Variants in MTSS1 observed in about 807,000 individuals in gnomAD.
MTSS1 encodes the protein MTSS I-BAR domain containing 1.
MTSS1 carries 18 observed loss-of-function variants against 79.0 expected under a neutral mutation model. The ratio of observed to expected loss-of-function variants is 0.23; its 90% CI spans 0.16 to 0.34. The LOEUF (loss-of-function observed/expected upper bound fraction) is 0.34. Ranked by LOEUF, MTSS1 falls within the 10% of genes least tolerant of loss-of-function variation. The probability of loss-of-function intolerance (pLI) is 1.00; values close to 1 mark genes in which losing one functional copy is unlikely to be tolerated. For synonymous variants in MTSS1, 341 were observed against 368.6 expected, an observed-to-expected ratio of 0.93 and a Z score of 0.86; for missense variants, 815 against 986.2, an observed-to-expected ratio of 0.83 and a Z score of 2.33.
intron 3 of MTSS1, among the ~76,000 whole-genome samples, chr8:124,631,251 C>G (rs928786803): frequency 1.3e-5 from 2 of 152,154 alleles, no homozygotes; most frequent in Admixed American, 6.5e-5. Context: ...TGGGTGCTCC[C>G]GAGGACAGCA....
At chr8:124,628,027 C>T (rs891069503) in intron 3 of MTSS1, among the ~76,000 whole-genome samples, 3 of 151,988 alleles carry the variant, frequency 2.0e-5, no homozygotes, top group Admixed American at 6.6e-5. Flanking sequence ...GTTAGCCAGG[C>T]GTGGTGGCAT....
intron 4 of MTSS1, 101 bp from the exon 5 acceptor site, chr8:124,589,812 C>T (rs1277862905): frequency 1.2e-5 from 10 of 843,580 alleles, no homozygotes; most frequent in Non-Finnish European, 1.8e-5. Flanking sequence ...CACAATTACC[C>T]GAAACGTTCT....
intron 2 of MTSS1, among the ~76,000 whole-genome samples, chr8:124,702,532 A>G (rs1360993412): frequency 6.6e-6 from 1 of 152,178 alleles, no homozygotes; most frequent in African/African-American, 2.4e-5. Flanking sequence ...CTCCAAACAA[A>G]GCTGAAGGAA....
intron 3 of MTSS1, among the ~76,000 whole-genome samples, chr8:124,593,302 CTGA>C (rs1374815681): frequency 6.6e-6 from 1 of 152,244 alleles, no homozygotes; most frequent in Non-Finnish European, 1.5e-5. Flanking sequence ...CACTCACTCA[CTGA>C]TGGTAAGAGT....
At chr8:124,580,418 A>G (rs1283835756) in intron 6 of MTSS1, 4 of 893,338 alleles carry the variant, frequency 4.5e-6, no homozygotes, top group Non-Finnish European at 5.1e-6. Context: ...GTGGAAAATT[A>G]GGTAGGCACA....
intron 6 of MTSS1, among the ~76,000 whole-genome samples, chr8:124,577,313 G>A (rs6998600): frequency 0.33 from 50,572 of 152,132 alleles, 9,535 homozygotes; most frequent in Non-Finnish European, 0.44. Context: ...GCAGTGGAGC[G>A]ATCTCGGCTC....
Position 124,725,128 on chromosome 8 carries a change from AGCT to A in MTSS1, c.72+2753_72+2755del, listed in dbSNP as rs1387843083. Among the ~76,000 whole-genome samples the A allele has an allele frequency of 3.3e-5, 5 of 152,200 alleles. No homozygotes were observed. In the East Asian group the frequency reaches 9.6e-4, roughly 29 times the overall value. ...TCAAGGAATCGATATGTTGTTTACT[AGCT>A]GCTGCTTGCTTTACATGGTGCTGTT... On this transcript the variant is annotated intron_variant, in intron 1 of 13. Coordinates refer to ENST00000518547, the MANE Select transcript of MTSS1 (RefSeq NM_014751.6).
intron 5 of MTSS1, among the ~76,000 whole-genome samples, chr8:124,589,106 C>A (rs756986922): frequency 3.3e-5 from 5 of 152,026 alleles, no homozygotes; most frequent in Non-Finnish European, 5.9e-5. Flanking sequence ...TCTTGGCTCA[C>A]TGCAACCTCT....
intron 12 of MTSS1, 159 bp downstream of exon 12, chr8:124,556,072 GT>G (rs544544489): frequency 2.6e-6 from 4 of 1,543,514 alleles, no homozygotes; most frequent in Admixed American, 2.0e-5. Flanking sequence ...CCCACACAAG[GT>G]TTTTTTCCCA....
intron 3 of MTSS1, among the ~76,000 whole-genome samples, chr8:124,610,761 A>G (rs143223801): frequency 6.6e-6 from 1 of 152,260 alleles, no homozygotes; most frequent in East Asian, 1.9e-4. Context: ...GAAGGGAGGG[A>G]GTAATTACCT....
At chr8:124,709,513 A>C (rs756633718) in intron 1 of MTSS1, among the ~76,000 whole-genome samples, 1 of 152,214 alleles carries the variant, frequency 6.6e-6, no homozygotes, top group African/African-American at 2.4e-5. Context: ...CCAAAGTCAC[A>C]AGGCAAAATG....
chr8:124,635,101 C>T (rs190657024), intron 3 of MTSS1, among the ~76,000 whole-genome samples: 39 of 152,318 alleles, frequency 2.6e-4, no homozygotes, highest in African/African-American at 7.9e-4. Context: ...AAGCCTGGAA[C>T]GTTAAAGCTG....
chr8:124,699,727 T>C (rs1587874038), intron 2 of MTSS1, 128 bp from the exon 3 acceptor site: 8 of 819,822 alleles, frequency 9.8e-6, no homozygotes, highest in Admixed American at 2.2e-5. Flanking sequence ...CAACTGAGCA[T>C]GGACAACCAC....
Position 124,567,806 on chromosome 8 carries a change from G to C in MTSS1, c.618+573C>G, listed in dbSNP as rs534440985. 18 of 1,526,702 alleles carry C rather than the reference G, an allele frequency of 1.2e-5. No homozygotes were observed. In the South Asian group the frequency reaches 1.8e-4, roughly 15 times the overall value. 94.6% of individuals were successfully genotyped at this position (1,526,702 alleles called of 1,614,324 possible). A position where few individuals can be genotyped will look rare whatever the true frequency, so the allele number is the denominator to read the frequency against. On this transcript the variant is annotated intron_variant, in intron 7 of 13. Coordinates refer to ENST00000518547, the MANE Select transcript of MTSS1 (RefSeq NM_014751.6). ...CAACTCAAATTCAGACATTTTGCTA[G>C]GGCTAAGGGAAATGAGCTGGTACCT...
intron 6 of MTSS1, among the ~76,000 whole-genome samples, chr8:124,574,187 T>C (rs4574830): frequency 0.27 from 40,242 of 151,764 alleles, 5,824 homozygotes; most frequent in African/African-American, 0.36. Context: ...TTAAGTGATC[T>C]GCCTGCCTCG....
chr8:124,629,505 C>CAAAAAAAAAA (rs982816199), intron 3 of MTSS1, among the ~76,000 whole-genome samples: 3 of 62,176 alleles, frequency 4.8e-5, no homozygotes, highest in Non-Finnish European at 7.1e-5. Context: ...GACTCCGTCT[C>CAAAAAAAAAA]AAAAAAAAAA....
At chr8:124,621,989 G>A (rs1813615379) in intron 3 of MTSS1, among the ~76,000 whole-genome samples, 1 of 152,032 alleles carries the variant, frequency 6.6e-6, no homozygotes. Context: ...ACCAGCACGA[G>A]GTGGCTTCAC....
At chr8:124,703,190 C>T (rs905449246) in intron 2 of MTSS1, among the ~76,000 whole-genome samples, 11 of 152,192 alleles carry the variant, frequency 7.2e-5, no homozygotes, top group Non-Finnish European at 1.5e-4. Flanking sequence ...ACCCTATCCC[C>T]AAGCAACCAA....
chr8:124,586,387 C>T (rs1028727091), intron 5 of MTSS1, among the ~76,000 whole-genome samples: 10 of 152,198 alleles, frequency 6.6e-5, no homozygotes, highest in Non-Finnish European at 1.3e-4. Context: ...CTAACGTCAG[C>T]GTGATGAAAC....
Sources: gnomAD v4.1 joint callset for allele counts (sites outside exome capture counted in the v4.1 genomes callset) on GRCh38, gnomAD v4.1.1 for gene constraint, MANE v1.5 for transcripts, NCBI Gene and HGNC (gene_info 2026-07-23, HGNC 2026-07-21) for gene names.